The following TMTC2 variants were observed in gnomAD, a reference collection of about 807,000 sequenced individuals.
TMTC2 encodes protein O-mannosyl-transferase TMTC2.
A neutral mutation model predicts 82.4 loss-of-function variants in TMTC2; 43 were observed. The ratio of observed to expected loss-of-function variants is 0.52; its 90% confidence interval spans 0.41 to 0.67. The LOEUF is 0.67. TMTC2 is among the 30% of genes least tolerant of loss of function. The pLI is 0.00. For synonymous variants in TMTC2, 408 were observed against 381.9 expected, an observed-to-expected ratio of 1.07 and a Z score of -0.80; for missense variants, 919 against 1,012.4, an observed-to-expected ratio of 0.91 and a Z score of 1.25.
intron 1 of TMTC2, among the ~76,000 whole-genome samples, chr12:82,691,151 C>T (rs532904772): frequency 6.6e-6 from 1 of 152,220 alleles, no homozygotes; most frequent in African/African-American, 2.4e-5. Context: ...GCTTTAAATT[C>T]TCATATGAGT....
intron 4 of TMTC2, among the ~76,000 whole-genome samples, chr12:82,933,351 T>C (rs1375396159): frequency 6.6e-6 from 1 of 152,154 alleles, no homozygotes; most frequent in Non-Finnish European, 1.5e-5. Flanking sequence ...TTTGGTATCA[T>C]ATTTATAGGA....
intron 2 of TMTC2, among the ~76,000 whole-genome samples, chr12:82,890,937 C>G (rs1873364878): frequency 6.6e-6 from 1 of 152,176 alleles, no homozygotes; most frequent in Non-Finnish European, 1.5e-5. Context: ...GTTTAAATAT[C>G]CCACACTTTG....
chr12:82,818,850 G>C (rs908957637), intron 1 of TMTC2, among the ~76,000 whole-genome samples: 1 of 152,130 alleles, frequency 6.6e-6, no homozygotes, highest in African/African-American at 2.4e-5. Flanking sequence ...AAAATAAAAA[G>C]TAGGTCACTT....
At chr12:82,778,715 G>A (rs1247610042) in intron 1 of TMTC2, among the ~76,000 whole-genome samples, 5 of 151,088 alleles carry the variant, frequency 3.3e-5, no homozygotes, top group African/African-American at 1.2e-4. Flanking sequence ...CGGGCGTAGT[G>A]GCGGGCGCCT....
At chr12:83,022,969 A>G (rs1228584458) in intron 8 of TMTC2, among the ~76,000 whole-genome samples, 1 of 152,200 alleles carries the variant, frequency 6.6e-6, no homozygotes, top group Non-Finnish European at 1.5e-5. Context: ...GCGGACATTG[A>G]GTTCGTATGA....
chr12:83,001,351 CT>C (rs1879912269), intron 8 of TMTC2, among the ~76,000 whole-genome samples: 1 of 151,988 alleles, frequency 6.6e-6, no homozygotes, highest in African/African-American at 2.4e-5. Flanking sequence ...TGTCTTCCAC[CT>C]TAGGGCCCAG....
At chr12:82,940,115 C>A (rs1354207895) in intron 4 of TMTC2, among the ~76,000 whole-genome samples, 4 of 150,036 alleles carry the variant, frequency 2.7e-5, no homozygotes, top group Admixed American at 6.7e-5. Context: ...CCGCCTCCCG[C>A]GTTCAAGCCA....
chr12:83,092,865 C>CAA (rs1883888182), intron 11 of TMTC2, among the ~76,000 whole-genome samples: 2 of 152,156 alleles, frequency 1.3e-5, no homozygotes, highest in South Asian at 4.1e-4. Flanking sequence ...CAAAGCTGAA[C>CAA]AAAAGCAGGA....
intron 1 of TMTC2, among the ~76,000 whole-genome samples, chr12:82,714,227 T>A (rs186320932): frequency 1.3e-5 from 2 of 152,342 alleles, no homozygotes; most frequent in East Asian, 3.9e-4. Context: ...CTTAAATGAT[T>A]TATGGTGATG....
chr12:82,946,732 G>C lies in TMTC2; in HGVS notation c.1598+16187G>C, dbSNP rs532725036. ...ATCATCAGACTCAGAGAGTAGGCATGCACTTTTCTTTTCTTTTTTTTTTTT... is the reference window on the plus strand; with the variant it reads ...ATCATCAGACTCAGAGAGTAGGCATCCACTTTTCTTTTCTTTTTTTTTTTT... On this transcript the variant is annotated intron_variant, in intron 4 of 11. Coordinates refer to ENST00000321196, the MANE Select transcript of TMTC2 (RefSeq NM_152588.3). Among the ~76,000 whole-genome samples the C allele has an allele frequency of 3.8e-4, 51 of 133,702 alleles. 1 individual carries two copies. Among genetic ancestry groups the C allele is most frequent in the Non-Finnish European group, 5.7e-4 (37 of 64,564 alleles). The allele number at this position is 133,702 out of a possible 152,430, so 87.7% of individuals were successfully genotyped here.
At chr12:82,736,348 C>T (rs1224566209) in intron 1 of TMTC2, among the ~76,000 whole-genome samples, 1 of 151,970 alleles carries the variant, frequency 6.6e-6, no homozygotes, top group Non-Finnish European at 1.5e-5. Context: ...ATTTAAAGTA[C>T]AGAATTTCTT....
At chr12:82,726,062 T>A (rs1265070504) in intron 1 of TMTC2, among the ~76,000 whole-genome samples, 1 of 152,242 alleles carries the variant, frequency 6.6e-6, no homozygotes, top group African/African-American at 2.4e-5. Context: ...AGGACCACTT[T>A]GCAGGGCCAT....
chr12:83,129,967 G>T (rs1457064174), intron 11 of TMTC2, among the ~76,000 whole-genome samples: 1 of 152,124 alleles, frequency 6.6e-6, no homozygotes, highest in Non-Finnish European at 1.5e-5. Context: ...AATAGATACA[G>T]ACACTATAGG....
intron 10 of TMTC2, among the ~76,000 whole-genome samples, chr12:83,052,048 A>G (rs982418392): frequency 6.6e-6 from 1 of 152,070 alleles, no homozygotes; most frequent in Non-Finnish European, 1.5e-5. Flanking sequence ...ACTTCATTAA[A>G]TCCCTACTTA....
intron 9 of TMTC2, among the ~76,000 whole-genome samples, chr12:83,044,668 A>G (rs1362672902): frequency 1.3e-5 from 2 of 152,234 alleles, no homozygotes. Context: ...GTCATCTTCC[A>G]AGGACAACCA....
intron 1 of TMTC2, among the ~76,000 whole-genome samples, chr12:82,810,897 T>C (rs750549515): frequency 2.6e-5 from 4 of 152,132 alleles, no homozygotes; most frequent in Non-Finnish European, 5.9e-5. Context: ...CTCATGATTG[T>C]AAGTTTCCCC....
At chr12:82,765,162 C>T (rs1019658703) in intron 1 of TMTC2, among the ~76,000 whole-genome samples, 10 of 152,100 alleles carry the variant, frequency 6.6e-5, no homozygotes, top group African/African-American at 1.7e-4. Flanking sequence ...GGCAGGTTTG[C>T]GCGACCCAGT....
intron 1 of TMTC2, among the ~76,000 whole-genome samples, chr12:82,718,004 C>T (rs1000643397): frequency 6.6e-6 from 1 of 152,168 alleles, no homozygotes; most frequent in Non-Finnish European, 1.5e-5. Flanking sequence ...TGCCTGCCCT[C>T]TCATTACCAG....
chr12:82,693,281 T>C (rs981928019), intron 1 of TMTC2, among the ~76,000 whole-genome samples: 4 of 152,240 alleles, frequency 2.6e-5, no homozygotes, highest in Non-Finnish European at 4.4e-5. Flanking sequence ...TTAAAAACTT[T>C]CATTGGGAGT....
Sources: allele counts gnomAD v4.1 joint callset (sites outside exome capture counted in the v4.1 genomes callset), GRCh38; gene constraint gnomAD v4.1.1; transcripts MANE v1.5; gene names NCBI Gene and HGNC (gene_info 2026-07-23, HGNC 2026-07-21).